Variants in LAMA2 observed in about 807,000 individuals in gnomAD.
LAMA2 encodes the protein laminin subunit alpha 2.
Under a neutral mutation model 364.8 loss-of-function variants are expected in LAMA2, and 269 were observed. That is an observed-to-expected ratio of 0.74 (90% CI 0.67 to 0.82). LAMA2 has a LOEUF of 0.82. LAMA2 is among the 40% of genes least tolerant of loss of function. LAMA2 has a pLI of 0.00. For missense variants in LAMA2, 3,807 were observed against 3,873.2 expected (o/e 0.98, Z 0.45); for synonymous variants, 1,379 against 1,370.6 (o/e 1.01, Z -0.14).
At chr6:129,361,979 T>A (rs1777489804) in intron 32 of LAMA2, among the ~76,000 whole-genome samples, 1 of 151,860 alleles carries the variant, frequency 6.6e-6, no homozygotes, top group Admixed American at 6.6e-5. Context: ...AGATGGGGTT[T>A]CACCATGTTG....
chr6:129,439,976 A>G (rs149352100), intron 42 of LAMA2, among the ~76,000 whole-genome samples: 82 of 152,048 alleles, frequency 5.4e-4, no homozygotes, highest in African/African-American at 1.9e-3. Flanking sequence ...ACACAGAAGG[A>G]CAACTTGTCT....
intron 41 of LAMA2, among the ~76,000 whole-genome samples, chr6:129,435,650 C>T (rs1781796639): frequency 6.6e-6 from 1 of 152,170 alleles, no homozygotes; most frequent in Non-Finnish European, 1.5e-5. Context: ...AATTTAACAA[C>T]AGACACTTTA....
At chr6:129,097,458 T>C (rs990133298) in intron 3 of LAMA2, among the ~76,000 whole-genome samples, 2 of 152,266 alleles carry the variant, frequency 1.3e-5, no homozygotes, top group African/African-American at 4.8e-5. Context: ...ATTGTCACTC[T>C]GTTAACAGTA....
chr6:129,108,023 T>TA (rs1380102348), intron 4 of LAMA2, among the ~76,000 whole-genome samples: 2 of 152,072 alleles, frequency 1.3e-5, no homozygotes, highest in East Asian at 3.8e-4. Context: ...TGTTTTAGGT[T>TA]AAAAAAATTC....
intron 1 of LAMA2, among the ~76,000 whole-genome samples, chr6:128,972,207 G>A (rs1782227499): frequency 6.6e-6 from 1 of 152,090 alleles, no homozygotes; most frequent in Non-Finnish European, 1.5e-5. Flanking sequence ...TACACTGTTT[G>A]AAAAACCTTA....
intron 1 of LAMA2, among the ~76,000 whole-genome samples, chr6:129,030,874 A>T (rs1441509914): frequency 1.3e-5 from 2 of 152,182 alleles, no homozygotes; most frequent in African/African-American, 4.8e-5. Flanking sequence ...GAAAATAAAA[A>T]GATTAATAAA....
chr6:129,483,672 A>G (rs1348261321), intron 55 of LAMA2, among the ~76,000 whole-genome samples: 1 of 152,212 alleles, frequency 6.6e-6, no homozygotes, highest in Non-Finnish European at 1.5e-5. Flanking sequence ...TTCCTAGAAT[A>G]GAAGAATAGC....
At chr6:129,328,502 G>A (rs1357926088) in intron 29 of LAMA2, 90 bp downstream of exon 29, 1 of 1,588,056 alleles carries the variant, frequency 6.3e-7, no homozygotes, top group Non-Finnish European at 8.6e-7. Flanking sequence ...CAGCTAAACT[G>A]TAAGGGAATG....
At chr6:129,404,331 G>T (rs1167204203) in intron 40 of LAMA2, among the ~76,000 whole-genome samples, 1 of 151,950 alleles carries the variant, frequency 6.6e-6, no homozygotes, top group African/African-American at 2.4e-5. Flanking sequence ...ACACAAATTG[G>T]TTACATATGA....
At chr6:128,933,150 C>A (rs13194622) in intron 1 of LAMA2, among the ~76,000 whole-genome samples, 19,433 of 152,018 alleles carry the variant, frequency 0.13, 1,568 homozygotes, top group African/African-American at 0.23. Flanking sequence ...TCAGGCTTAT[C>A]CATGTCATTG....
At chr6:129,314,418 A>AAAAAAAAAAAAAAAAAAAAAAAAAAAAT in intron 23 of LAMA2, among the ~76,000 whole-genome samples, 1 of 151,104 alleles carries the variant, frequency 6.6e-6, no homozygotes, top group African/African-American at 2.4e-5. Context: ...AAAAAAAAAA[A>AAAAAAAAAAAAAAAAAAAAAAAAAAAAT]AGTACAATAC....
At chr6:129,376,577 C>A (rs1417129206) in intron 34 of LAMA2, among the ~76,000 whole-genome samples, 1 of 152,180 alleles carries the variant, frequency 6.6e-6, no homozygotes, top group Non-Finnish European at 1.5e-5. Context: ...TCTCCCATCA[C>A]TTGTGCCCCT....
chr6:129,210,048 T>C (rs1782992978), intron 12 of LAMA2, among the ~76,000 whole-genome samples: 1 of 150,950 alleles, frequency 6.6e-6, no homozygotes, highest in South Asian at 2.1e-4. Context: ...ACCCTTACTC[T>C]GGATTCACTT....
intron 34 of LAMA2, among the ~76,000 whole-genome samples, chr6:129,378,315 A>G (rs1778488196): frequency 6.6e-6 from 1 of 152,334 alleles, no homozygotes; most frequent in South Asian, 2.1e-4. Flanking sequence ...AGTATTTAGC[A>G]TTCATTCATA....
In LAMA2 at chr6:129,223,134, G is replaced by A. The variant is rs533974556; in HGVS notation, c.1783-26978G>A. Among the ~76,000 whole-genome samples, 160 of 152,214 alleles carry A rather than the reference G, an allele frequency of 1.1e-3. 1 individual carries two copies. In the South Asian group the frequency reaches 0.021, roughly 20 times the overall value. On this transcript the variant is annotated intron_variant, in intron 12 of 64. Coordinates refer to ENST00000421865, the MANE Select transcript of LAMA2 (RefSeq NM_000426.4). The stretch of plus-strand genomic sequence containing the variant: ...TTTCATGTGTCTGCTGGCTGCATCA[G>A]TGTCTTCTTTTGAGAAGTGTCTGTT...
intron 1 of LAMA2, among the ~76,000 whole-genome samples, chr6:128,994,891 G>A (rs1783831199): frequency 6.6e-6 from 1 of 152,068 alleles, no homozygotes; most frequent in African/African-American, 2.4e-5. Flanking sequence ...TCTAAAGGAT[G>A]AGTTTAAGAG....
intron 12 of LAMA2, among the ~76,000 whole-genome samples, chr6:129,211,125 A>T (rs1216859427): frequency 1.3e-5 from 2 of 152,240 alleles, no homozygotes; most frequent in African/African-American, 4.8e-5. Context: ...ATATAATCTT[A>T]CACTCAGTTG....
chr6:129,053,279 GGTCC>G (rs1788219951), intron 2 of LAMA2, among the ~76,000 whole-genome samples: 1 of 152,072 alleles, frequency 6.6e-6, no homozygotes, highest in South Asian at 2.1e-4. Flanking sequence ...TGGTTAGGCT[GGTCC>G]CGAACTCCAG....
intron 28 of LAMA2, among the ~76,000 whole-genome samples, chr6:129,324,581 T>A (rs1362575269): frequency 6.6e-6 from 1 of 152,192 alleles, no homozygotes; most frequent in East Asian, 1.9e-4. Flanking sequence ...GATCTCCTCA[T>A]TGTGCAAACA....
Sources: allele counts gnomAD v4.1 joint callset (sites outside exome capture counted in the v4.1 genomes callset), GRCh38; gene constraint gnomAD v4.1.1; transcripts MANE v1.5; gene names NCBI Gene and HGNC (gene_info 2026-07-23, HGNC 2026-07-21).